SLC22A23: variants seen among roughly 807,000 people sequenced by gnomAD.
The protein encoded by SLC22A23 is solute carrier family 22 member 23.
A neutral mutation model predicts 61.0 loss-of-function variants in SLC22A23; 26 were observed. The observed-to-expected ratio is 0.43, with a 90% CI of 0.31 to 0.59. SLC22A23 has a LOEUF of 0.59. SLC22A23 is among the 20% of genes least tolerant of loss of function. The probability of loss-of-function intolerance (pLI) is 0.11; values close to 1 mark genes in which losing one functional copy is unlikely to be tolerated. For synonymous variants in SLC22A23, 430 were observed against 413.9 expected, an observed-to-expected ratio of 1.04 and a Z score of -0.47; for missense variants, 796 against 934.7, an observed-to-expected ratio of 0.85 and a Z score of 1.94.
chr6:3,291,163 C>G (rs55829773), intron 5 of SLC22A23: 16,159 of 152,154 alleles, frequency 0.11, 1,197 homozygotes, highest in African/African-American at 0.2. Flanking sequence ...ACTGGGAGGT[C>G]TGTCGTTGCC....
At chr6:3,303,770 T>G (rs1171376439) in intron 4 of SLC22A23, among the ~76,000 whole-genome samples, 1 of 152,218 alleles carries the variant, frequency 6.6e-6, no homozygotes, top group African/African-American at 2.4e-5. Context: ...GAGGAATATG[T>G]TCTAGTGTTC....
intron 3 of SLC22A23, among the ~76,000 whole-genome samples, chr6:3,389,782 G>A (rs1331262900): frequency 1.3e-5 from 2 of 152,244 alleles, no homozygotes; most frequent in Non-Finnish European, 2.9e-5. Flanking sequence ...CCCCTGCAAA[G>A]CAGGCATAAG....
At position 3,414,060 on chromosome 6, in the gene SLC22A23, AC is replaced by A. The variant is rs1769480880; in HGVS notation, c.758+1691del. On this transcript the variant is annotated intron_variant, in intron 2 of 9. Coordinates refer to ENST00000406686, the MANE Select transcript of SLC22A23 (RefSeq NM_015482.2). This position sits in a 1 kb window ranked among gnomAD's most constrained non-coding sequence, Gnocchi z 5.1. ...GGTGTGTGATCAGGGAGGCCACATC[AC>A]ATGTGTGTACAAGAAGAAAGTTAAG... Among the ~76,000 whole-genome samples the A allele has an allele frequency of 6.6e-6, 1 of 152,250 alleles. No individual in the cohort carries two copies. The highest frequency in any genetic ancestry group is 1.5e-5 in the Non-Finnish European group (1 of 68,046).
chr6:3,301,570 G>C (rs1233843853), intron 4 of SLC22A23, among the ~76,000 whole-genome samples: 7 of 152,198 alleles, frequency 4.6e-5, no homozygotes, highest in African/African-American at 1.7e-4. Context: ...GCAGGAAATG[G>C]ATTTTGAAAA....
At chr6:3,418,355 A>G (rs1769877956) in intron 1 of SLC22A23, among the ~76,000 whole-genome samples, 2 of 152,262 alleles carry the variant, frequency 1.3e-5, no homozygotes, top group Admixed American at 6.5e-5. Context: ...GATGGCCAGG[A>G]GGCAGAAGAA....
chr6:3,276,243 C>G (rs1417973882), intron 9 of SLC22A23, among the ~76,000 whole-genome samples: 1 of 152,194 alleles, frequency 6.6e-6, no homozygotes, highest in Non-Finnish European at 1.5e-5. Context: ...CTGCATCCAC[C>G]ATGGGCACAG....
At position 3,410,162 on chromosome 6, in the gene SLC22A23, G is replaced by A; in HGVS notation, c.913+26C>T. 6.3e-7 allele frequency: 1 copy of A among 1,592,406 alleles called. No individual in the cohort carries two copies. Among genetic ancestry groups the A allele is most frequent in the Non-Finnish European group, 8.6e-7 (1 of 1,169,278 alleles). On this transcript the variant is annotated intron_variant, in intron 3 of 9. Coordinates refer to ENST00000406686, the MANE Select transcript of SLC22A23 (RefSeq NM_015482.2). This position sits in a 1 kb window ranked among gnomAD's most constrained non-coding sequence, Gnocchi z 5.0. ...CAATACTTTTGCTAAATTCTTTCAAGACTAGTCGTGAAGGCTCCTACTTAC... is the reference window on the plus strand; with the variant it reads ...CAATACTTTTGCTAAATTCTTTCAAAACTAGTCGTGAAGGCTCCTACTTAC...
intron 3 of SLC22A23, among the ~76,000 whole-genome samples, chr6:3,355,185 T>TAA (rs1201003822): frequency 5.9e-5 from 8 of 136,310 alleles, no homozygotes; most frequent in Admixed American, 7.3e-5. Context: ...CCTCCCCAGC[T>TAA]AAAAAAAAAA....
At chr6:3,444,615 A>T (rs1771787234) in intron 1 of SLC22A23, among the ~76,000 whole-genome samples, 1 of 151,694 alleles carries the variant, frequency 6.6e-6, no homozygotes. Context: ...GCAGAGCCCC[A>T]CTCTCCCGGC....
intron 5 of SLC22A23, among the ~76,000 whole-genome samples, chr6:3,294,353 T>C (rs888815313): frequency 6.6e-6 from 1 of 152,232 alleles, no homozygotes; most frequent in African/African-American, 2.4e-5. Flanking sequence ...TGCTCTAAAA[T>C]TGAGAATCTT....
intron 3 of SLC22A23, among the ~76,000 whole-genome samples, chr6:3,350,404 A>G (rs1408370173): frequency 1.3e-5 from 2 of 152,244 alleles, no homozygotes; most frequent in Non-Finnish European, 2.9e-5. Context: ...AAGACAACCA[A>G]AAGATGAATA....
chr6:3,422,853 T>G (rs945310995), intron 1 of SLC22A23, among the ~76,000 whole-genome samples: 1 of 152,134 alleles, frequency 6.6e-6, no homozygotes, highest in East Asian at 1.9e-4. Flanking sequence ...AAAAATAGAT[T>G]GCAAACCCTT....
intron 3 of SLC22A23, among the ~76,000 whole-genome samples, chr6:3,406,423 C>A (rs990424945): frequency 6.6e-6 from 1 of 152,168 alleles, no homozygotes; most frequent in African/African-American, 2.4e-5. Context: ...TTTCTTTAGG[C>A]TGAAAATAAG....
At chr6:3,285,202 G>C in intron 7 of SLC22A23, 91 bp from the exon 8 acceptor site, 1 of 1,555,228 alleles carries the variant, frequency 6.4e-7, no homozygotes, top group Admixed American at 1.8e-5. Context: ...AGTTAGCCTA[G>C]CGTGTTCCCA....
intron 3 of SLC22A23, among the ~76,000 whole-genome samples, chr6:3,398,086 A>G (rs1161698142): frequency 6.6e-6 from 1 of 152,226 alleles, no homozygotes; most frequent in Non-Finnish European, 1.5e-5. Flanking sequence ...TCCATCTCAG[A>G]GTCCTTGTTC....
chr6:3,380,202 A>G (rs1364557847), intron 3 of SLC22A23, among the ~76,000 whole-genome samples: 2 of 152,226 alleles, frequency 1.3e-5, no homozygotes, highest in Non-Finnish European at 2.9e-5. Context: ...CAACAAGGTG[A>G]GCAGGCTTTA....
intron 5 of SLC22A23, chr6:3,291,876 A>G (rs1760628397): frequency 6.6e-6 from 1 of 152,180 alleles, no homozygotes; most frequent in African/African-American, 2.4e-5. Context: ...ATATACCCCA[A>G]ACTGAACTCC....
At chr6:3,323,424 T>C in intron 4 of SLC22A23, 1 of 439,334 alleles carries the variant, frequency 2.3e-6, no homozygotes, top group Non-Finnish European at 4.5e-6. Flanking sequence ...ACCCCTCGCC[T>C]AGAAGAGATA....
chr6:3,315,112 G>A (rs537376390), intron 4 of SLC22A23, among the ~76,000 whole-genome samples: 2 of 152,184 alleles, frequency 1.3e-5, no homozygotes, highest in Admixed American at 1.3e-4. Context: ...TGGGCTCGAG[G>A]TGAGAATATT....
Sources: gnomAD v4.1 joint callset for allele counts (sites outside exome capture counted in the v4.1 genomes callset) on GRCh38, gnomAD v4.1.1 for gene constraint, Gnocchi (gnomAD v3.1) non-coding constraint, MANE v1.5 for transcripts, NCBI Gene and HGNC (gene_info 2026-07-23, HGNC 2026-07-21) for gene names.